The following ZGPAT variants were observed in gnomAD, a reference collection of about 807,000 sequenced individuals.
ZGPAT encodes zinc finger CCCH-type with G patch domain-containing protein.
Under a neutral mutation model 47.9 loss-of-function variants are expected in ZGPAT, and 39 were observed. That is an observed-to-expected ratio of 0.81 (90% CI 0.63 to 1.06). The LOEUF (loss-of-function observed/expected upper bound fraction) is 1.06. ZGPAT is among the 50% of genes least tolerant of loss of function. The pLI, the probability that ZGPAT is intolerant of heterozygous loss-of-function variation, is 0.00. For synonymous variants in ZGPAT, 348 were observed against 292.9 expected (o/e 1.19, Z -1.92); for missense variants, 717 against 681.4 (o/e 1.05, Z -0.58).
intron 4 of ZGPAT, chr20:63,733,975 G>A: frequency 1.7e-6 from 1 of 574,118 alleles, no homozygotes; most frequent in Admixed American, 3.5e-5. Flanking sequence ...CATGGTCGTG[G>A]CTGTGGCCAT....
chr20:63,733,972 G>A (rs1488705746), intron 4 of ZGPAT: 37 of 575,326 alleles, frequency 6.4e-5, no homozygotes, highest in Non-Finnish European at 8.1e-5. Context: ...GGCCATGGTC[G>A]TGGCTGTGGC....
rs374551285 is a variant in ZGPAT, at chr20:63,733,171, C to T, written c.585-48C>T. On this transcript the variant is annotated intron_variant, in intron 2 of 6. Coordinates refer to ENST00000355969, the MANE Select transcript of ZGPAT (RefSeq NM_181485.3). ...GGTCAGTGCTCCTGGGTTGGTTTGC[C>T]CCTGGTGGCCCATGTCTGAGCCCTG... The T allele has an allele frequency of 9.4e-6, 15 of 1,594,020 alleles. No homozygotes were observed. The South Asian group carries it at 1.6e-4, about 17-fold the overall frequency.
intron 3 of ZGPAT, 36 bp from the exon 4 acceptor site, chr20:63,733,551 C>T: frequency 6.2e-7 from 1 of 1,614,016 alleles, no homozygotes; most frequent in African/African-American, 1.3e-5. Context: ...CACCTGCTGT[C>T]AAGGATTCTG....
At chr20:63,721,392 T>C (rs766267949) in intron 2 of ZGPAT, among the ~76,000 whole-genome samples, 33 of 150,500 alleles carry the variant, frequency 2.2e-4, no homozygotes, top group Non-Finnish European at 4.0e-4. Context: ...GTGTCTTCCA[T>C]CCTTTCCAGG....
At chr20:63,719,798 T>C (rs2263805) in intron 2 of ZGPAT, among the ~76,000 whole-genome samples, 29,616 of 151,470 alleles carry the variant, frequency 0.2, 3,779 homozygotes, top group East Asian at 0.61. Flanking sequence ...TGGCAGGCAA[T>C]GTCACAATCT....
intron 2 of ZGPAT, among the ~76,000 whole-genome samples, chr20:63,718,109 A>G (rs2091749981): frequency 6.6e-6 from 1 of 151,212 alleles, no homozygotes; most frequent in South Asian, 2.1e-4. Context: ...CTGGTCTCAA[A>G]CTCCTGACTT....
At chr20:63,712,513 T>C (rs2091679290) in intron 2 of ZGPAT, among the ~76,000 whole-genome samples, 1 of 152,216 alleles carries the variant, frequency 6.6e-6, no homozygotes, top group South Asian at 2.1e-4. Flanking sequence ...GATCGGCTTG[T>C]CCAATTCTGC....
chr20:63,728,848 G>A (rs574290834), intron 2 of ZGPAT, among the ~76,000 whole-genome samples: 2 of 152,276 alleles, frequency 1.3e-5, no homozygotes, highest in Non-Finnish European at 2.9e-5. Context: ...AGGAGTAGGA[G>A]CCAGGGGCAG....
At chr20:63,722,792 C>T (rs6011057) in intron 2 of ZGPAT, among the ~76,000 whole-genome samples, 105,593 of 151,774 alleles carry the variant, frequency 0.7, 37,091 homozygotes, top group Middle Eastern at 0.74. Context: ...CCACCACACC[C>T]GGCTAATTTT....
chr20:63,710,773 C>CA (rs1455838533), intron 2 of ZGPAT, among the ~76,000 whole-genome samples: 1 of 151,984 alleles, frequency 6.6e-6, no homozygotes, highest in Non-Finnish European at 1.5e-5. Flanking sequence ...GATGTGAGGA[C>CA]AAAAAAGAGT....
intron 2 of ZGPAT, among the ~76,000 whole-genome samples, chr20:63,710,659 C>T (rs966409257): frequency 1.3e-4 from 20 of 152,082 alleles, no homozygotes; most frequent in Admixed American, 9.2e-4. Context: ...AAGCAAATTC[C>T]AGAAGTTACT....
intron 2 of ZGPAT, among the ~76,000 whole-genome samples, chr20:63,720,035 C>T (rs1370569438): frequency 2.6e-5 from 4 of 152,068 alleles, no homozygotes; most frequent in African/African-American, 7.2e-5. Flanking sequence ...AGCCACTGTG[C>T]CCAGCCTCTT....
Position 63,734,843 on chromosome 20 carries a change from GGA to G in ZGPAT, c.991+22_991+23del. 6.4e-7 allele frequency: 1 copy of G among 1,560,460 alleles called. No homozygotes were observed. The highest frequency in any genetic ancestry group is 8.7e-7 in the Non-Finnish European group (1 of 1,151,386). On this transcript the variant is annotated intron_variant, in intron 5 of 6. Coordinates refer to ENST00000355969, the MANE Select transcript of ZGPAT (RefSeq NM_181485.3). ...GGCAAGGGTGAGTACAAGCTGCCCT[GGA>G]GAAGTGGGCAGGCTGCTGCAGCATA...
intron 2 of ZGPAT, among the ~76,000 whole-genome samples, chr20:63,722,200 A>G (rs558114563): frequency 6.6e-6 from 1 of 152,302 alleles, no homozygotes; most frequent in East Asian, 1.9e-4. Flanking sequence ...AAGCCACATC[A>G]GAAATACAGG....
chr20:63,733,132 T>C lies in ZGPAT; in HGVS notation c.585-87T>C, dbSNP rs935362412. The stretch of plus-strand genomic sequence containing the variant: ...TGTGTGTCTGTCTCCCTCAGGACAG[T>C]GCCCAGGCGGATGGGTCAGTGCTCC... On this transcript the variant is annotated intron_variant, in intron 2 of 6. Transcript: ENST00000355969. The C allele has an allele frequency of 3.9e-6, 6 of 1,545,168 alleles. No homozygotes were observed. In the Admixed American group the frequency reaches 5.5e-5, roughly 14 times the overall value.
intron 2 of ZGPAT, among the ~76,000 whole-genome samples, chr20:63,711,297 T>C (rs1200894189): frequency 6.6e-6 from 1 of 152,188 alleles, no homozygotes; most frequent in Admixed American, 6.5e-5. Context: ...TGGTGCTCCC[T>C]CTGGGCCAGG....
Position 63,708,633 on chromosome 20 carries a change from A to C in ZGPAT, c.53A>C (p.Gln18Pro), listed in dbSNP as rs1447959530. The C allele has an allele frequency of 1.2e-6, 2 of 1,611,918 alleles. No individual in the cohort carries two copies. The highest frequency in any genetic ancestry group is 4.5e-5 in the East Asian group (2 of 44,826). ...SALQTYRAQL[Q>P]QVELALGAGL... is the part of the protein sequence containing the mutation. ...TTGCAGACCTACCGTGCGCAGCTGCAGCAGGTGGAGCTGGCCTTGGGCGCC... is the reference window on the plus strand; with the variant it reads ...TTGCAGACCTACCGTGCGCAGCTGCCGCAGGTGGAGCTGGCCTTGGGCGCC... The change falls in exon 2 of 7, where the codon CAG (glutamine) becomes CCG (proline). Residue 18 changes from glutamine (Q) to proline (P), a missense_variant. By Grantham distance (76) the Gln-to-Pro change is moderately conservative. Coordinates refer to ENST00000355969, the MANE Select transcript of ZGPAT (RefSeq NM_181485.3).
chr20:63,734,620 A>T (rs745747574), intron 4 of ZGPAT, 85 bp from the exon 5 acceptor site: 6 of 1,572,824 alleles, frequency 3.8e-6, no homozygotes. Flanking sequence ...TGGCTGGGCC[A>T]CTGCCCTCTG....
chr20:63,711,601 CT>C (rs749955563), intron 2 of ZGPAT, among the ~76,000 whole-genome samples: 493 of 144,144 alleles, frequency 3.4e-3, no homozygotes, highest in Middle Eastern at 7.2e-3. Context: ...TGCGTTGGAC[CT>C]TTTTTTTTTT....
Sources: gnomAD v4.1 joint callset for allele counts (sites outside exome capture counted in the v4.1 genomes callset) on GRCh38, gnomAD v4.1.1 for gene constraint, MANE v1.5 for transcripts, NCBI Gene and HGNC (gene_info 2026-07-23, HGNC 2026-07-21) for gene names.